The following KMT5A variants were observed in gnomAD, a reference collection of about 807,000 sequenced individuals.
KMT5A encodes the protein lysine methyltransferase 5A, also known as N-lysine methyltransferase KMT5A.
A neutral mutation model predicts 40.6 loss-of-function variants in KMT5A; 6 were observed. The observed-to-expected ratio is 0.15, with a 90% confidence interval of 0.08 to 0.29. The LOEUF (loss-of-function observed/expected upper bound fraction) is 0.29. Ranked by LOEUF, KMT5A falls within the 10% of genes least tolerant of loss-of-function variation. KMT5A has a pLI of 1.00. For missense variants in KMT5A, 308 were observed against 459.1 expected (o/e 0.67, Z 3.01); for synonymous variants, 153 against 178.8 (o/e 0.86, Z 1.15).
rs747234732 is a variant in KMT5A, at chr12:123,390,770, C to G, written c.273C>G (p.Ile91Met). 1.2e-6 allele frequency: 2 copies of G among 1,613,808 alleles called. No individual in the cohort carries two copies. Among genetic ancestry groups the G allele is most frequent in the Non-Finnish European group, 1.7e-6 (2 of 1,179,842 alleles). ...GCCAGGGGAAACCATTAGCCGGAAT[C>G]TACAGGAAACGAGAAGGTAAGCTTT... is the stretch of plus-strand genomic sequence containing the variant. Reference protein sequence around the residue: ...VKCQGKPLAGIYRKREEKRNA... With the variant: ...VKCQGKPLAGMYRKREEKRNA... The change falls in exon 3 of 8, where the codon ATC (isoleucine) becomes ATG (methionine). Residue 91 changes from isoleucine to methionine, a missense_variant. Transcript: ENST00000402868.
rs186822980 is a variant in KMT5A, at chr12:123,389,487, T to G, written c.65T>G (p.Val22Gly). Residue 22 changes from valine to glycine, a missense_variant, in exon 2 of 8, where the codon GTG (valine) becomes GGG (glycine). By Grantham distance (109) the Val-to-Gly change is moderately radical. This residue lies in a region of KMT5A where 92 missense variants were observed against 78.3 expected (regional missense o/e 1.18). Coordinates refer to ENST00000402868, the MANE Select transcript of KMT5A (RefSeq NM_020382.7). Reference sequence around the variant, plus strand: ...GAGGCGGCGGCGGCGGCGGCGGCGGTGGCAGCGACGGCCCCGGGCCCGGAG... The same window carrying G: ...GAGGCGGCGGCGGCGGCGGCGGCGGGGGCAGCGACGGCCCCGGGCCCGGAG... ...AVEAAAAAAA[V>G]AATAPGPEMV... The G allele has an allele frequency of 8.9e-7, 1 of 1,118,998 alleles. No individual in the cohort carries two copies. Among genetic ancestry groups the G allele is most frequent in the Non-Finnish European group, 1.1e-6 (1 of 921,728 alleles). The allele number at this position is 1,118,998 out of a possible 1,614,324, so 69.3% of individuals were successfully genotyped here. A position where few individuals can be genotyped will look rare whatever the true frequency, so the allele number is the denominator to read the frequency against.
intron 2 of KMT5A, among the ~76,000 whole-genome samples, chr12:123,389,889 C>A (rs1877158246): frequency 6.6e-6 from 1 of 152,104 alleles, no homozygotes; most frequent in East Asian, 1.9e-4. Context: ...GCGGCGAGGG[C>A]CCGGCGTTGC....
chr12:123,405,824 T>TA lies in KMT5A; in HGVS notation c.848+750_848+751insA, dbSNP rs1224791151. Among the ~76,000 whole-genome samples the TA allele has an allele frequency of 2.0e-5, 3 of 151,032 alleles. No individual in the cohort carries two copies. In the East Asian group the frequency reaches 5.8e-4, roughly 29 times the overall value. On this transcript the variant is annotated intron_variant, in intron 7 of 7. Transcript: ENST00000402868. ...ACTGCGCCTGGCCCCAGCTTCCCTT[T>TA]TTTTTTTTCTTTTGAGACGGAGTCT... is the stretch of plus-strand genomic sequence containing the variant.
In KMT5A at chr12:123,409,143, T is replaced by C. The variant is rs750582585; in HGVS notation, c.*1440T>C. ...AACCCCACCTCGGGCCTCACGACGG[T>C]GCTACCTAAGAAAGTCTTCCCTCCC... On this transcript the variant is annotated 3_prime_UTR_variant, in exon 8 of 8. Transcript: ENST00000402868. 1.3e-5 allele frequency: 2 copies of C among 149,434 alleles called. No homozygotes were observed. Among genetic ancestry groups the C allele is most frequent in the Admixed American group, 6.7e-5 (1 of 14,946 alleles). The allele number at this position is 149,434 out of a possible 1,614,324, so 9.3% of individuals were successfully genotyped here.
intron 5 of KMT5A, among the ~76,000 whole-genome samples, chr12:123,401,359 A>G (rs906982791): frequency 2.7e-5 from 4 of 150,572 alleles, no homozygotes; most frequent in African/African-American, 9.8e-5. Context: ...CATGTTAGCC[A>G]GGATGGTCTC....
chr12:123,398,893 G>A lies in KMT5A; in HGVS notation c.597+2461G>A, dbSNP rs968610895. ...AGCCTGTTGTTGGCCAGATGGTCTGGGGTGAAACTGCAATTCAGAGCCTCT... is the reference window on the plus strand; with the variant it reads ...AGCCTGTTGTTGGCCAGATGGTCTGAGGTGAAACTGCAATTCAGAGCCTCT... On this transcript the variant is annotated intron_variant, in intron 5 of 7. Transcript: ENST00000402868. Among the ~76,000 whole-genome samples the A allele has an allele frequency of 2.6e-5, 4 of 152,232 alleles. No individual in the cohort carries two copies. In the East Asian group the frequency reaches 5.8e-4, roughly 22 times the overall value.
At chr12:123,404,347 C>T (rs1215598188) in intron 6 of KMT5A, among the ~76,000 whole-genome samples, 1 of 152,128 alleles carries the variant, frequency 6.6e-6, no homozygotes, top group Non-Finnish European at 1.5e-5. Context: ...AGTCCTGGGC[C>T]CCTCCAGCAA....
intron 5 of KMT5A, 73 bp downstream of exon 5, chr12:123,396,505 A>G (rs1327888037): frequency 7.3e-7 from 1 of 1,370,530 alleles, no homozygotes; most frequent in Non-Finnish European, 1.0e-6. Context: ...GCGTGTGCGT[A>G]TGTGTGTGTC....
intron 5 of KMT5A, among the ~76,000 whole-genome samples, chr12:123,401,677 G>T (rs528488353): frequency 6.6e-6 from 1 of 152,076 alleles, no homozygotes; most frequent in Non-Finnish European, 1.5e-5. Context: ...CACCTCCTGG[G>T]TTCAAGCGAT....
At chr12:123,385,131 T>C (rs944182679) in intron 1 of KMT5A, among the ~76,000 whole-genome samples, 5 of 152,222 alleles carry the variant, frequency 3.3e-5, no homozygotes, top group Non-Finnish European at 7.3e-5. Flanking sequence ...ATGCTCCCTA[T>C]AGCAATAATA....
intron 5 of KMT5A, among the ~76,000 whole-genome samples, chr12:123,397,397 C>T (rs1877810529): frequency 6.6e-6 from 1 of 152,168 alleles, no homozygotes; most frequent in African/African-American, 2.4e-5. Context: ...AGGTGGGGAC[C>T]CCGGCTTTGG....
Position 123,396,497 on chromosome 12 carries a change from G to T in KMT5A, c.597+65G>T, listed in dbSNP as rs1593464911. ...GGTGGCCCACCAAGCAGTGCTTGGC[G>T]TGTGCGTATGTGTGTGTCCTCAGCC... On this transcript the variant is annotated intron_variant, in intron 5 of 7. Transcript: ENST00000402868. 4 of 1,388,502 alleles carry T rather than the reference G, an allele frequency of 2.9e-6. No homozygotes were observed. The East Asian group carries it at 9.2e-5, about 32-fold the overall frequency. 86.0% of individuals were successfully genotyped at this position (1,388,502 alleles called of 1,614,324 possible).
In KMT5A at chr12:123,390,650, G is replaced by C. The variant is rs780066496; in HGVS notation, c.153G>C (p.Gln51His). 6 of 1,613,808 alleles carry C rather than the reference G, an allele frequency of 3.7e-6. No individual in the cohort carries two copies. Among genetic ancestry groups the C allele is most frequent in the Non-Finnish European group, 5.1e-6 (6 of 1,179,854 alleles). Reference protein sequence around the residue: ...RTDGENVFTGQSKIYSYMSPN... With the variant: ...RTDGENVFTGHSKIYSYMSPN... ...TTTAGGAGAACGTATTTACCGGGCA[G>C]TCAAAGATCTATTCCTACATGAGCC... The change falls in exon 3 of 8, where the codon CAG (glutamine) becomes CAC (histidine). Residue 51 changes from glutamine to histidine, a missense_variant. By Grantham distance (24) the Gln-to-His change is conservative. Around this residue, in one of 4 missense-constraint regions of KMT5A, gnomAD observed 92 missense variants for 78.3 expected, o/e 1.18. Coordinates refer to ENST00000402868, the MANE Select transcript of KMT5A (RefSeq NM_020382.7).
Position 123,403,558 on chromosome 12 carries a change from T to G in KMT5A, c.598-15T>G, listed in dbSNP as rs758185446. On this transcript the variant is annotated splice_polypyrimidine_tract_variant and intron_variant, in intron 5 of 7. Coordinates refer to ENST00000402868, the MANE Select transcript of KMT5A (RefSeq NM_020382.7). ...GGAGAAGATACTGATGCTGTTTTTC[T>G]TTCTCTCTGCCCAGTCTGAAGAAAG... The G allele has an allele frequency of 3.7e-6, 6 of 1,614,102 alleles. No individual in the cohort carries two copies. The highest frequency in any genetic ancestry group is 5.1e-6 in the Non-Finnish European group (6 of 1,179,920).
chr12:123,397,840 ATTT>A (rs63533060), intron 5 of KMT5A, among the ~76,000 whole-genome samples: 1 of 148,152 alleles, frequency 6.7e-6, no homozygotes. Flanking sequence ...CTAATTTTGT[ATTT>A]TTTTTTTTTA....
At position 123,404,929 on chromosome 12, in the gene KMT5A, C is replaced by G. The variant is rs768674899; in HGVS notation, c.703C>G (p.Gln235Glu). The change falls in exon 7 of 8, where the codon CAG becomes GAG. Residue 235 changes from glutamine to glutamate, a missense_variant. Physicochemically the swap from Gln to Glu is conservative, Grantham distance 29. Transcript: ENST00000402868. ...AGGCAGGGGTGTGATTGCCACCAAG[C>G]AGTTCTCCCGGGGTGACTTTGTGGT... ...GKGRGVIATKQFSRGDFVVEY... is the reference protein window; with the variant it reads ...GKGRGVIATKEFSRGDFVVEY... 29 of 1,613,426 alleles carry G rather than the reference C, an allele frequency of 1.8e-5. No individual in the cohort carries two copies. In the Admixed American group the frequency reaches 3.7e-4, roughly 20 times the overall value.
rs1877110190 is a variant in KMT5A, at chr12:123,389,480, G to C, written c.58G>C (p.Ala20Pro). Residue 20 changes from alanine to proline, a missense_variant, in exon 2 of 8, where the codon GCG becomes CCG. By Grantham distance (27) the Ala-to-Pro change is conservative. Around this residue, in one of 4 missense-constraint regions of KMT5A, gnomAD observed 92 missense variants for 78.3 expected, o/e 1.18. Transcript: ENST00000402868. ...PRAVEAAAAA[A>P]AVAATAPGPE... The stretch of plus-strand genomic sequence containing the variant: ...CGCGGTGGAGGCGGCGGCGGCGGCG[G>C]CGGCGGTGGCAGCGACGGCCCCGGG... 8.9e-7 allele frequency: 1 copy of C among 1,123,110 alleles called. No homozygotes were observed. Among genetic ancestry groups the C allele is most frequent in the African/African-American group, 1.7e-5 (1 of 59,854 alleles). 69.6% of individuals were successfully genotyped at this position (1,123,110 alleles called of 1,614,324 possible). A position where few individuals can be genotyped will look rare whatever the true frequency, so the allele number is the denominator to read the frequency against.
intron 5 of KMT5A, among the ~76,000 whole-genome samples, chr12:123,402,774 C>G (rs1321253979): frequency 6.6e-6 from 1 of 152,300 alleles, no homozygotes; most frequent in East Asian, 1.9e-4. Flanking sequence ...TGGAGGCCCT[C>G]TTCTCATCCA....
chr12:123,398,589 A>G (rs976244490), intron 5 of KMT5A, among the ~76,000 whole-genome samples: 5 of 152,230 alleles, frequency 3.3e-5, no homozygotes, highest in African/African-American at 1.2e-4. Context: ...CAAACACAAG[A>G]AAGCTCGCCC....
Sources: gnomAD v4.1 joint callset for allele counts (sites outside exome capture counted in the v4.1 genomes callset) on GRCh38, gnomAD v4.1.1 for gene constraint, gnomAD v4.1.1 regional missense constraint, MANE v1.5 for transcripts, NCBI Gene and HGNC (gene_info 2026-07-23, HGNC 2026-07-21) for gene names.